The following LRRC4C variants were observed in gnomAD, a reference collection of about 807,000 sequenced individuals.
LRRC4C encodes leucine rich repeat containing 4C.
Under a neutral mutation model 33.6 loss-of-function variants are expected in LRRC4C, and 5 were observed. That is an observed-to-expected ratio of 0.15 (90% CI 0.08 to 0.31). LRRC4C has a LOEUF of 0.31. Among genes scored for constraint, LRRC4C ranks in the 10% least tolerant of loss-of-function variants. The pLI, the probability that LRRC4C is intolerant of heterozygous loss-of-function variation, is 1.00. For missense variants in LRRC4C, 560 were observed against 796.7 expected (o/e 0.70, Z 3.58); for synonymous variants, 329 against 302.0 (o/e 1.09, Z -0.93).
At chr11:41,048,416 T>G (rs1031832230) in intron 1 of LRRC4C, among the ~76,000 whole-genome samples, 1 of 151,856 alleles carries the variant, frequency 6.6e-6, no homozygotes, top group Non-Finnish European at 1.5e-5. Context: ...AGGCACGCAC[T>G]ACCATGCCCA....
At chr11:40,121,206 G>T (rs746420096) in intron 6 of LRRC4C, among the ~76,000 whole-genome samples, 2 of 152,088 alleles carry the variant, frequency 1.3e-5, no homozygotes, top group Non-Finnish European at 2.9e-5. Context: ...TACTTAAAAG[G>T]TATATGCATC....
chr11:40,523,804 A>G (rs943857113), intron 3 of LRRC4C, among the ~76,000 whole-genome samples: 3 of 152,046 alleles, frequency 2.0e-5, no homozygotes, highest in African/African-American at 7.2e-5. Flanking sequence ...TCTAACATCC[A>G]TTACTTGTTT....
chr11:40,851,172 G>A (rs1953470762), intron 2 of LRRC4C, among the ~76,000 whole-genome samples: 1 of 151,146 alleles, frequency 6.6e-6, no homozygotes, highest in Admixed American at 6.6e-5. Flanking sequence ...CGTCACTGGG[G>A]TATGGGGGAA....
At chr11:40,291,434 T>C (rs1055082167) in intron 4 of LRRC4C, among the ~76,000 whole-genome samples, 1 of 152,168 alleles carries the variant, frequency 6.6e-6, no homozygotes, top group African/African-American at 2.4e-5. Context: ...CTGGTGATGT[T>C]GGAAAGGTTT....
chr11:40,653,597 A>G (rs1475529048), intron 2 of LRRC4C, among the ~76,000 whole-genome samples: 1 of 152,190 alleles, frequency 6.6e-6, no homozygotes, highest in Non-Finnish European at 1.5e-5. Context: ...ATTCACAAAG[A>G]TATGGTTTGG....
chr11:40,124,068 G>T (rs933679321), intron 6 of LRRC4C, among the ~76,000 whole-genome samples: 1 of 151,826 alleles, frequency 6.6e-6, no homozygotes, highest in Admixed American at 6.6e-5. Flanking sequence ...CTCTATCTCT[G>T]GTCGTGTAAA....
chr11:41,285,133 G>A (rs1334257727), intron 1 of LRRC4C, among the ~76,000 whole-genome samples: 1 of 152,088 alleles, frequency 6.6e-6, no homozygotes, highest in Non-Finnish European at 1.5e-5. Flanking sequence ...CACAATGTCT[G>A]GTATGTTAAA....
chr11:41,181,887 T>G (rs1340241325), intron 1 of LRRC4C, among the ~76,000 whole-genome samples: 1 of 152,194 alleles, frequency 6.6e-6, no homozygotes, highest in African/African-American at 2.4e-5. Flanking sequence ...GCTAATGAAT[T>G]TCTTTTAAAG....
intron 1 of LRRC4C, among the ~76,000 whole-genome samples, chr11:41,306,206 A>G (rs1053979826): frequency 1.3e-5 from 2 of 152,140 alleles, no homozygotes; most frequent in African/African-American, 4.8e-5. Flanking sequence ...CTGGATTTCC[A>G]GAGCACTTTG....
chr11:41,351,092 G>A (rs1211708939), intron 1 of LRRC4C, among the ~76,000 whole-genome samples: 1 of 152,048 alleles, frequency 6.6e-6, no homozygotes, highest in Non-Finnish European at 1.5e-5. Context: ...AATTAGCCAA[G>A]CACCATGGTG....
chr11:41,324,484 T>C (rs1951049702), intron 1 of LRRC4C, among the ~76,000 whole-genome samples: 1 of 152,198 alleles, frequency 6.6e-6, no homozygotes. Flanking sequence ...GTTGAAACTA[T>C]AGTAAAACAA....
chr11:41,320,156 G>T (rs1950916470), intron 1 of LRRC4C, among the ~76,000 whole-genome samples: 1 of 151,960 alleles, frequency 6.6e-6, no homozygotes, highest in Admixed American at 6.6e-5. Context: ...GTTATTCTTG[G>T]CTAATACTCT....
At chr11:41,039,402 C>T (rs1487984041) in intron 1 of LRRC4C, among the ~76,000 whole-genome samples, 1 of 151,932 alleles carries the variant, frequency 6.6e-6, no homozygotes, top group Non-Finnish European at 1.5e-5. Context: ...CTGTATTCAC[C>T]CTCGCACATT....
chr11:41,072,788 A>G (rs1938805005), intron 1 of LRRC4C, among the ~76,000 whole-genome samples: 2 of 152,288 alleles, frequency 1.3e-5, no homozygotes, highest in Admixed American at 6.5e-5. Context: ...CCATAACTCC[A>G]CAGCCTCAAT....
chr11:40,680,510 A>G (rs1944633242), intron 2 of LRRC4C, among the ~76,000 whole-genome samples: 2 of 152,134 alleles, frequency 1.3e-5, no homozygotes, highest in South Asian at 4.1e-4. Context: ...CCAGTGGGAG[A>G]TGATTGAATC....
intron 3 of LRRC4C, among the ~76,000 whole-genome samples, chr11:40,564,565 C>T (rs1009939107): frequency 1.2e-4 from 18 of 152,072 alleles, no homozygotes; most frequent in African/African-American, 2.2e-4. Context: ...ATGGGGATTG[C>T]GCCAAATGCC....
At chr11:41,277,946 A>G (rs1949535905) in intron 1 of LRRC4C, among the ~76,000 whole-genome samples, 1 of 151,972 alleles carries the variant, frequency 6.6e-6, no homozygotes, top group Non-Finnish European at 1.5e-5. Context: ...AAAGACAAAT[A>G]ACGCGTGATC....
intron 3 of LRRC4C, among the ~76,000 whole-genome samples, chr11:40,500,193 G>T (rs78409651): frequency 1.3e-5 from 2 of 149,846 alleles, no homozygotes; most frequent in Non-Finnish European, 3.0e-5. Flanking sequence ...AACATAAGAT[G>T]TATGGATTAT....
intron 1 of LRRC4C, among the ~76,000 whole-genome samples, chr11:41,417,538 A>C (rs1954729631): frequency 6.6e-6 from 1 of 152,038 alleles, no homozygotes; most frequent in Admixed American, 6.6e-5. Context: ...CATAGGTCTA[A>C]ACTTACTTTC....
Sources: gnomAD v4.1 joint callset for allele counts (sites outside exome capture counted in the v4.1 genomes callset) on GRCh38, gnomAD v4.1.1 for gene constraint, MANE v1.5 for transcripts, NCBI Gene and HGNC (gene_info 2026-07-23, HGNC 2026-07-21) for gene names.